The following C12orf42 variants were observed in gnomAD, a reference collection of about 807,000 sequenced individuals.
The protein encoded by C12orf42 is chromosome 12 open reading frame 42.
C12orf42 carries 25 observed loss-of-function variants against 21.6 expected under a neutral mutation model. The observed-to-expected ratio is 1.16, with a 90% CI of 0.84 to 1.62. The LOEUF (loss-of-function observed/expected upper bound fraction) is 1.62, where lower values mean the gene tolerates loss of function less well. Among genes scored for constraint, C12orf42 ranks in the 40% most tolerant of loss-of-function variants. The pLI is 0.00. For missense variants in C12orf42, 483 were observed against 459.3 expected (o/e 1.05, Z -0.47); for synonymous variants, 174 against 175.0 (o/e 0.99, Z 0.05).
the C12orf42 span, among the ~76,000 whole-genome samples, chr12:103,077,889 T>C: frequency 1.3e-5 from 2 of 152,180 alleles, no homozygotes; most frequent in African/African-American, 4.8e-5. Flanking sequence ...ATTGGTGACA[T>C]TCATTCTTCA....
chr12:103,416,361 C>G (rs2049333194), intron 2 of C12orf42, among the ~76,000 whole-genome samples: 1 of 151,772 alleles, frequency 6.6e-6, no homozygotes, highest in Non-Finnish European at 1.5e-5. Context: ...AGTGAGTGGC[C>G]CACTGCACTG....
chr12:103,523,782 C>T, the C12orf42 span, among the ~76,000 whole-genome samples: 124 of 151,210 alleles, frequency 8.2e-4, no homozygotes, highest in Non-Finnish European at 1.5e-3. Context: ...TATCTTAAAC[C>T]TTTCAACAAC....
At chr12:103,287,530 G>T (rs2036544238) in intron 4 of C12orf42, among the ~76,000 whole-genome samples, 2 of 151,968 alleles carry the variant, frequency 1.3e-5, no homozygotes, top group South Asian at 4.1e-4. Flanking sequence ...ACAGGAAGGG[G>T]AACATCACAC....
chr12:103,406,330 T>C (rs748138552), intron 2 of C12orf42, among the ~76,000 whole-genome samples: 44 of 152,204 alleles, frequency 2.9e-4, no homozygotes, highest in Non-Finnish European at 4.3e-4. Context: ...TCTTTGTAGA[T>C]AGCTGCTTTC....
At chr12:103,108,865 T>C in the C12orf42 span, among the ~76,000 whole-genome samples, 15 of 152,116 alleles carry the variant, frequency 9.9e-5, no homozygotes, top group African/African-American at 3.6e-4. Flanking sequence ...TATAAATAAC[T>C]ACAAATTACC....
At chr12:103,063,607 G>A in the C12orf42 span, among the ~76,000 whole-genome samples, 3 of 152,116 alleles carry the variant, frequency 2.0e-5, no homozygotes, top group Non-Finnish European at 4.4e-5. Flanking sequence ...GCCACCTGAG[G>A]CAACAGTGAT....
chr12:103,387,244 C>T (rs1490473174), intron 3 of C12orf42, among the ~76,000 whole-genome samples: 2 of 152,184 alleles, frequency 1.3e-5, no homozygotes, highest in African/African-American at 4.8e-5. Flanking sequence ...GATCTTTGCA[C>T]TTGCTGTTCC....
chr12:103,525,140 T>C, the C12orf42 span, among the ~76,000 whole-genome samples: 1 of 152,040 alleles, frequency 6.6e-6, no homozygotes, highest in Non-Finnish European at 1.5e-5. Flanking sequence ...GCCTCAGCCT[T>C]CCAAGTAACT....
chr12:103,049,292 G>T, the C12orf42 span, among the ~76,000 whole-genome samples: 1 of 152,122 alleles, frequency 6.6e-6, no homozygotes, highest in Admixed American at 6.5e-5. Flanking sequence ...AATTGATCAG[G>T]TCACAAATCT....
chr12:103,490,359 A>G (rs1955114104), intron 1 of C12orf42, among the ~76,000 whole-genome samples: 1 of 152,226 alleles, frequency 6.6e-6, no homozygotes, highest in Non-Finnish European at 1.5e-5. Flanking sequence ...GGAGAGTTAT[A>G]TAGGATAACT....
chr12:103,309,929 G>C (rs1399784740), intron 4 of C12orf42, among the ~76,000 whole-genome samples: 4 of 152,224 alleles, frequency 2.6e-5, no homozygotes, highest in Non-Finnish European at 5.9e-5. Context: ...TGAAATAAGG[G>C]TCCAAGTAGG....
At chr12:103,462,096 G>GTTTT (rs71097979) in intron 2 of C12orf42, among the ~76,000 whole-genome samples, 7 of 27,732 alleles carry the variant, frequency 2.5e-4, no homozygotes, top group African/African-American at 4.3e-4. Flanking sequence ...TTTTTGCTTG[G>GTTTT]TTTTTTTTTT....
the C12orf42 span, among the ~76,000 whole-genome samples, chr12:103,230,853 T>C: frequency 1.3e-5 from 2 of 152,202 alleles, no homozygotes; most frequent in Non-Finnish European, 2.9e-5. Context: ...TTTGGACTTA[T>C]GCTGTTCTGC....
chr12:103,468,533 A>C (rs144208505), intron 2 of C12orf42, among the ~76,000 whole-genome samples: 77 of 152,326 alleles, frequency 5.1e-4, no homozygotes, highest in Non-Finnish European at 6.9e-4. Context: ...CAGACTTTTA[A>C]AGTTAAAATT....
the C12orf42 span, among the ~76,000 whole-genome samples, chr12:103,165,177 A>G: frequency 6.6e-6 from 1 of 152,234 alleles, no homozygotes; most frequent in African/African-American, 2.4e-5. Context: ...TGAATCAACC[A>G]ATGGACAATG....
chr12:103,401,663 A>C lies in C12orf42; in HGVS notation c.91T>G (p.Tyr31Asp). Residue 31 changes from tyrosine (Y) to aspartate (D), a missense_variant, in exon 3 of 6, where the codon TAT (tyrosine) becomes GAT (aspartate). Tyr to Asp is a radical substitution (Grantham distance 160, BLOSUM62 -3). Coordinates refer to ENST00000548883, the MANE Select transcript of C12orf42 (RefSeq NM_198521.5). ...GTGGCACTGCTCACAATGGGAATAT[A>C]GCAAGGGGATTTCTGAAACATTAGA... ...FANRMQKSPC[Y>D]IPIVSSATLW... 6.2e-7 allele frequency: 1 copy of C among 1,613,810 alleles called. No individual in the cohort carries two copies. The highest frequency in any genetic ancestry group is 2.2e-5 in the East Asian group (1 of 44,882).
the C12orf42 span, among the ~76,000 whole-genome samples, chr12:103,055,252 A>G: frequency 6.6e-6 from 1 of 152,052 alleles, no homozygotes; most frequent in East Asian, 1.9e-4. Context: ...CTTAATAATT[A>G]TAGGGCTATA....
At chr12:103,473,303 C>T (rs974353490) in intron 2 of C12orf42, among the ~76,000 whole-genome samples, 2 of 152,120 alleles carry the variant, frequency 1.3e-5, no homozygotes. Context: ...ATTAGTGCCT[C>T]CCATATAGTG....
chr12:103,408,607 G>A (rs553026277), intron 2 of C12orf42, among the ~76,000 whole-genome samples: 1 of 152,246 alleles, frequency 6.6e-6, no homozygotes, highest in African/African-American at 2.4e-5. Context: ...TTATAAAACT[G>A]ATTCCTCCAT....
Sources: gnomAD v4.1 joint callset for allele counts (sites outside exome capture counted in the v4.1 genomes callset) on GRCh38, gnomAD v4.1.1 for gene constraint, MANE v1.5 for transcripts, NCBI Gene and HGNC (gene_info 2026-07-23, HGNC 2026-07-21) for gene names.